Variants in CDH11 observed in about 807,000 individuals in gnomAD.
CDH11 encodes the protein cadherin-11.
CDH11 carries 11 observed loss-of-function variants against 67.8 expected under a neutral mutation model. The observed-to-expected ratio is 0.16, with a 90% CI of 0.10 to 0.27. The LOEUF (loss-of-function observed/expected upper bound fraction) is 0.27. Ranked by LOEUF, CDH11 falls within the 10% of genes least tolerant of loss-of-function variation. The pLI, the probability that CDH11 is intolerant of heterozygous loss-of-function variation, is 1.00. For missense variants in CDH11, 847 were observed against 1,031.2 expected, an observed-to-expected ratio of 0.82 and a Z score of 2.45; for synonymous variants, 419 against 400.0, an observed-to-expected ratio of 1.05 and a Z score of -0.57.
chr16:65,009,986 A>G (rs1437630041), intron 2 of CDH11, among the ~76,000 whole-genome samples: 1 of 152,170 alleles, frequency 6.6e-6, no homozygotes, highest in Non-Finnish European at 1.5e-5. Context: ...ACGGGTGTTT[A>G]AGTATATTTG....
chr16:64,984,947 TAA>T (rs982889460), intron 7 of CDH11: 1 of 152,202 alleles, frequency 6.6e-6, no homozygotes, highest in African/African-American at 2.4e-5. Flanking sequence ...CAGGGAATAT[TAA>T]AAATGCCTTA....
At chr16:64,988,799 T>G (rs963305919) in intron 6 of CDH11, among the ~76,000 whole-genome samples, 1 of 152,130 alleles carries the variant, frequency 6.6e-6, no homozygotes, top group Non-Finnish European at 1.5e-5. Flanking sequence ...AACAGCTCCA[T>G]AGTTACTTTA....
intron 2 of CDH11, among the ~76,000 whole-genome samples, chr16:65,030,286 C>A (rs538682144): frequency 6.6e-6 from 1 of 152,104 alleles, no homozygotes; most frequent in East Asian, 1.9e-4. Flanking sequence ...TACAGTTTGG[C>A]GGACATACTT....
At chr16:65,023,565 G>A (rs1459265713) in intron 2 of CDH11, among the ~76,000 whole-genome samples, 1 of 152,206 alleles carries the variant, frequency 6.6e-6, no homozygotes, top group East Asian at 1.9e-4. Flanking sequence ...TACTCCATAG[G>A]CAGAGCAGTG....
chr16:65,039,959 T>A (rs914856494), intron 2 of CDH11, among the ~76,000 whole-genome samples: 2 of 152,136 alleles, frequency 1.3e-5, no homozygotes, highest in Admixed American at 6.6e-5. Context: ...GTGAAAAAGT[T>A]CTCATCATCA....
chr16:64,980,514 T>C, intron 8 of CDH11, among the ~76,000 whole-genome samples: 1 of 151,938 alleles, frequency 6.6e-6, no homozygotes, highest in East Asian at 1.9e-4. Context: ...ATGGAGAAAA[T>C]GAGTCCAATG....
At chr16:65,088,866 T>A (rs1257288554) in intron 1 of CDH11, among the ~76,000 whole-genome samples, 2 of 152,192 alleles carry the variant, frequency 1.3e-5, no homozygotes, top group Admixed American at 1.3e-4. Context: ...ATTTATACTT[T>A]CGTCAGCAGA....
At position 64,988,247 on chromosome 16, in the gene CDH11, G is replaced by C; in HGVS notation, c.909C>G (p.Val303=). ...KDPDIGENGL[V]TYNIVDGDGM... is the part of the protein sequence containing the mutation. Reference sequence around the variant, plus strand: ...CATCTCCATCAACAATATTGTATGTGACTAAGCCATTTTCTCCAATGTCTG... The same window carrying C: ...CATCTCCATCAACAATATTGTATGTCACTAAGCCATTTTCTCCAATGTCTG... Residue 303 remains valine, a synonymous_variant, in exon 7 of 13, where the codon GTC becomes GTG. Transcript: ENST00000268603. The C allele has an allele frequency of 1.2e-6, 2 of 1,613,468 alleles. No homozygotes were observed. Among genetic ancestry groups the C allele is most frequent in the Non-Finnish European group, 1.7e-6 (2 of 1,179,542 alleles).
At chr16:64,995,130 T>C (rs903070876) in intron 4 of CDH11, among the ~76,000 whole-genome samples, 12 of 152,192 alleles carry the variant, frequency 7.9e-5, no homozygotes, top group African/African-American at 2.9e-4. Flanking sequence ...TAGAATGTTT[T>C]CCCATTTGAT....
chr16:65,111,630 G>C (rs74023503), intron 1 of CDH11, among the ~76,000 whole-genome samples: 2,225 of 150,864 alleles, frequency 0.015, 54 homozygotes, highest in African/African-American at 0.052. Flanking sequence ...GAGTCTAGCT[G>C]CCTAGATTTC....
chr16:65,059,918 C>G (rs1321042703), intron 1 of CDH11, among the ~76,000 whole-genome samples: 5 of 152,184 alleles, frequency 3.3e-5, no homozygotes, highest in Admixed American at 3.3e-4. Flanking sequence ...GAGCAAACCT[C>G]CTACTACTCA....
At chr16:65,116,243 T>C (rs1009942391) in intron 1 of CDH11, among the ~76,000 whole-genome samples, 2 of 152,182 alleles carry the variant, frequency 1.3e-5, no homozygotes, top group Non-Finnish European at 2.9e-5. Flanking sequence ...CTTGCTCTTA[T>C]TGAGAAGAAT....
chr16:64,983,112 A>G (rs570778875), intron 7 of CDH11: 2 of 147,694 alleles, frequency 1.4e-5, no homozygotes, highest in Non-Finnish European at 3.0e-5. Context: ...ATAATAAGGG[A>G]AATGTTTCCT....
At chr16:65,076,567 C>T (rs2074512865) in intron 1 of CDH11, among the ~76,000 whole-genome samples, 3 of 152,138 alleles carry the variant, frequency 2.0e-5, no homozygotes, top group South Asian at 4.1e-4. Flanking sequence ...CTGGGATACA[C>T]GTGCAGAACA....
At chr16:65,061,209 A>T (rs996561386) in intron 1 of CDH11, among the ~76,000 whole-genome samples, 3 of 152,232 alleles carry the variant, frequency 2.0e-5, no homozygotes, top group African/African-American at 7.2e-5. Context: ...CAGAAATCAC[A>T]TATTATTCTC....
At chr16:65,051,135 T>G (rs888648113) in intron 2 of CDH11, among the ~76,000 whole-genome samples, 3 of 152,164 alleles carry the variant, frequency 2.0e-5, no homozygotes, top group African/African-American at 7.2e-5. Flanking sequence ...GGTGCGTTTG[T>G]AGGGGAGTGC....
intron 1 of CDH11, among the ~76,000 whole-genome samples, chr16:65,072,817 G>A (rs1597159593): frequency 6.6e-6 from 1 of 152,284 alleles, no homozygotes; most frequent in African/African-American, 2.4e-5. Context: ...GTCACTAGCT[G>A]GATAGCCTTA....
chr16:64,997,398 A>C (rs1255882855), intron 4 of CDH11, among the ~76,000 whole-genome samples: 3 of 151,562 alleles, frequency 2.0e-5, no homozygotes, highest in African/African-American at 7.2e-5. Flanking sequence ...AAAAAAAAAA[A>C]AAGCCTGAAT....
At position 64,945,585 on chromosome 16, in the gene CDH11, A is replaced by AT; in HGVS notation, c.*2017dup. On this transcript the variant is annotated 3_prime_UTR_variant, in exon 13 of 13. Transcript: ENST00000268603. ...ATATTCTTTGGATTACAAAAACTAT[A>AT]TAAAAAAATGAACACAACCTGCAAT... The AT allele has an allele frequency of 1.9e-6, 2 of 1,030,848 alleles. No homozygotes were observed. Among genetic ancestry groups the AT allele is most frequent in the Middle Eastern group, 9.1e-4 (2 of 2,186 alleles). The allele number at this position is 1,030,848 out of a possible 1,614,324, so 63.9% of individuals were successfully genotyped here. A position where few individuals can be genotyped will look rare whatever the true frequency, so the allele number is the denominator to read the frequency against.
Sources: allele counts gnomAD v4.1 joint callset (sites outside exome capture counted in the v4.1 genomes callset), GRCh38; gene constraint gnomAD v4.1.1; transcripts MANE v1.5; gene names NCBI Gene and HGNC (gene_info 2026-07-23, HGNC 2026-07-21).